Variants in INCENP observed in about 807,000 individuals in gnomAD.
INCENP encodes inner centromere protein, also known as binds and activates aurora-B and -C in vivo and in vitro.
A neutral mutation model predicts 107.3 loss-of-function variants in INCENP; 43 were observed. The ratio of observed to expected loss-of-function variants is 0.40; its 90% CI spans 0.31 to 0.52. The LOEUF (loss-of-function observed/expected upper bound fraction) is 0.52. Among genes scored for constraint, INCENP ranks in the 20% least tolerant of loss-of-function variants. The probability of loss-of-function intolerance (pLI) is 0.53; values close to 1 mark genes in which losing one functional copy is unlikely to be tolerated. For synonymous variants in INCENP, 488 were observed against 494.4 expected, an observed-to-expected ratio of 0.99 and a Z score of 0.17; for missense variants, 1,089 against 1,250.9, an observed-to-expected ratio of 0.87 and a Z score of 1.95.
At chr11:62,148,151 C>T (rs1236165879) in intron 15 of INCENP, among the ~76,000 whole-genome samples, 1 of 152,126 alleles carries the variant, frequency 6.6e-6, no homozygotes, top group Non-Finnish European at 1.5e-5. Flanking sequence ...TGGATTATCC[C>T]ATTTGATTCT....
At chr11:62,135,123 T>C (rs137926929) in intron 4 of INCENP, among the ~76,000 whole-genome samples, 104 of 152,274 alleles carry the variant, frequency 6.8e-4, no homozygotes, top group South Asian at 3.3e-3. Context: ...AGTATCTTCA[T>C]AGCTTTTTCA....
At chr11:62,129,055 G>A (rs1031868049) in intron 3 of INCENP, among the ~76,000 whole-genome samples, 172 bp downstream of exon 3, 1 of 152,186 alleles carries the variant, frequency 6.6e-6, no homozygotes, top group Non-Finnish European at 1.5e-5. Flanking sequence ...GGATGCCACA[G>A]GGAACTATAG....
At chr11:62,137,161 C>T (rs1255648182) in intron 4 of INCENP, among the ~76,000 whole-genome samples, 1 of 152,210 alleles carries the variant, frequency 6.6e-6, no homozygotes, top group African/African-American at 2.4e-5. Context: ...CGAGACCAGA[C>T]TGGCCAACAT....
chr11:62,152,064 C>T lies in INCENP; in HGVS notation c.*88C>T. 9.8e-7 allele frequency: 1 copy of T among 1,017,034 alleles called. No individual in the cohort carries two copies. The highest frequency in any genetic ancestry group is 1.4e-6 in the Non-Finnish European group (1 of 691,710). 63.0% of individuals were successfully genotyped at this position (1,017,034 alleles called of 1,614,324 possible). On this transcript the variant is annotated 3_prime_UTR_variant, in exon 19 of 19. Coordinates refer to ENST00000394818, the MANE Select transcript of INCENP (RefSeq NM_001040694.2). ...GTCTCTGTCTTGGTCTGTTGCCCTC[C>T]TTCTTGGCATGCCATTGTGGAGGGC...
At chr11:62,139,925 A>G (rs1944076267) in intron 7 of INCENP, among the ~76,000 whole-genome samples, 1 of 152,118 alleles carries the variant, frequency 6.6e-6, no homozygotes, top group Admixed American at 6.5e-5. Flanking sequence ...AGCTGGGGGT[A>G]GCCAGGCCCT....
chr11:62,149,947 C>A, intron 17 of INCENP, 110 bp from the exon 18 acceptor site: 2 of 1,091,228 alleles, frequency 1.8e-6, no homozygotes, highest in Non-Finnish European at 2.7e-6. Flanking sequence ...GATCCTGCAC[C>A]TTTTGTTTCT....
chr11:62,126,637 C>G lies in INCENP; in HGVS notation c.-11-1514C>G, dbSNP rs572110562. Among the ~76,000 whole-genome samples the G allele has an allele frequency of 5.3e-5, 8 of 152,270 alleles. No individual in the cohort carries two copies. In the South Asian group the frequency reaches 1.7e-3, roughly 32 times the overall value. Reference sequence around the variant, plus strand: ...CACCTGTTGGGATATTTAATGAGCCCCTGTTGTGATGTAGTAGAATATGGT... The same window carrying G: ...CACCTGTTGGGATATTTAATGAGCCGCTGTTGTGATGTAGTAGAATATGGT... On this transcript the variant is annotated intron_variant, in intron 1 of 18. Coordinates refer to ENST00000394818, the MANE Select transcript of INCENP (RefSeq NM_001040694.2).
chr11:62,146,621 G>T (rs962705275), intron 14 of INCENP, 37 bp from the exon 15 acceptor site: 11 of 1,548,512 alleles, frequency 7.1e-6, no homozygotes, highest in Non-Finnish European at 8.7e-7. Flanking sequence ...TCTGGCCTGG[G>T]CCTGGCCGCA....
At chr11:62,145,606 G>A in intron 13 of INCENP, 23 bp from the exon 14 acceptor site, 7 of 1,587,538 alleles carry the variant, frequency 4.4e-6, no homozygotes, top group Non-Finnish European at 6.0e-6. Flanking sequence ...GCTCCAATGG[G>A]CATGTGTGGG....
At position 62,150,200 on chromosome 11, in the gene INCENP, G is replaced by A. The variant is rs1260007257; in HGVS notation, c.2535G>A (p.Trp845Ter). Residue 845 changes from tryptophan (W) to a stop codon, truncating the protein, a stop_gained, in exon 18 of 19, where the codon TGG (tryptophan) becomes TGA (stop). Coordinates refer to ENST00000394818, the MANE Select transcript of INCENP (RefSeq NM_001040694.2). LOFTEE classifies it high-confidence loss of function. ...EAHPRKPIPTWARGTPLSQAI... is the reference protein window; with the variant it reads ...EAHPRKPIPT ...ATCCCCGGAAGCCCATCCCCACCTGGGCCCGAGGTAAGCAAAGCCCACAGC... is the reference window on the plus strand; with the variant it reads ...ATCCCCGGAAGCCCATCCCCACCTGAGCCCGAGGTAAGCAAAGCCCACAGC... 6.2e-7 allele frequency: 1 copy of A among 1,613,924 alleles called. No individual in the cohort carries two copies. The highest frequency in any genetic ancestry group is 1.7e-5 in the Admixed American group (1 of 60,016).
intron 11 of INCENP, among the ~76,000 whole-genome samples, chr11:62,144,345 A>AAAAAAG (rs1944190682): frequency 2.0e-5 from 3 of 152,126 alleles, no homozygotes; most frequent in African/African-American, 7.2e-5. Flanking sequence ...CAAAAAAAAA[A>AAAAAAG]AAAGAAAAAA....
intron 14 of INCENP, among the ~76,000 whole-genome samples, chr11:62,146,360 G>A (rs1271555052): frequency 1.3e-5 from 2 of 152,260 alleles, no homozygotes; most frequent in Non-Finnish European, 2.9e-5. Flanking sequence ...CCATTTTATA[G>A]ACGAGGAAAC....
intron 13 of INCENP, 123 bp from the exon 14 acceptor site, chr11:62,145,506 C>A: frequency 1.5e-6 from 2 of 1,372,552 alleles, no homozygotes; most frequent in South Asian, 2.9e-5. Context: ...TGTCCTCTCC[C>A]TGGGTGGTGG....
rs760914724 is a variant in INCENP at position 62,146,874 on chromosome 11, C to T, written c.2176C>T (p.Arg726Trp). 5.0e-6 allele frequency: 8 copies of T among 1,595,778 alleles called. No individual in the cohort carries two copies. The highest frequency in any genetic ancestry group is 1.7e-4 in the Middle Eastern group (1 of 5,888). The change falls in exon 15 of 19, where the codon CGG becomes TGG. Residue 726 changes from arginine to tryptophan, a missense_variant. Coordinates refer to ENST00000394818, the MANE Select transcript of INCENP (RefSeq NM_001040694.2). The part of the protein sequence containing the change: ...ERQLAEQERR[R>W]EQERLQAERE... ...ACAGCTGGCAGAGCAGGAGCGTCGG[C>T]GGGAGCAGGAGCGGCTCCAGGCCGA...
intron 7 of INCENP, 80 bp downstream of exon 7, chr11:62,139,085 G>A: frequency 1.0e-6 from 1 of 957,990 alleles, no homozygotes; most frequent in Non-Finnish European, 1.7e-6. Context: ...TTCTCTCTGG[G>A]GATAAGGAAG....
At chr11:62,149,164 C>T (rs1565103489) in intron 17 of INCENP, among the ~76,000 whole-genome samples, 1 of 149,986 alleles carries the variant, frequency 6.7e-6, no homozygotes, top group Non-Finnish European at 1.5e-5. Context: ...ACACAGATAT[C>T]CTCTCTCTCT....
At chr11:62,139,046 C>T in intron 7 of INCENP, 41 bp downstream of exon 7, 4 of 1,460,734 alleles carry the variant, frequency 2.7e-6, no homozygotes, top group Non-Finnish European at 3.8e-6. Context: ...CCCGGAGCCA[C>T]AGCGGGCCTT....
At chr11:62,131,927 G>A (rs995191854) in intron 4 of INCENP, among the ~76,000 whole-genome samples, 4 of 151,976 alleles carry the variant, frequency 2.6e-5, no homozygotes, top group African/African-American at 4.8e-5. Flanking sequence ...GATTACAAGC[G>A]CCCGCCATCA....
Position 62,141,509 on chromosome 11 carries a change from G to A in INCENP, c.1603G>A (p.Val535Ile), listed in dbSNP as rs762472113. 21 of 1,613,914 alleles carry A rather than the reference G, an allele frequency of 1.3e-5. No individual in the cohort carries two copies. Among genetic ancestry groups the A allele is most frequent in the South Asian group, 3.3e-5 (3 of 91,092 alleles). Reference protein sequence around the residue: ...PLRMDPKCSFVEKERQRLENL... With the variant: ...PLRMDPKCSFIEKERQRLENL... Reference sequence around the variant, plus strand: ...CTTGTCTCCTCCACAGTGCAGCTTCGTCGTAAGTAAAGCCTTTTCCTGTCG... The same window carrying A: ...CTTGTCTCCTCCACAGTGCAGCTTCATCGTAAGTAAAGCCTTTTCCTGTCG... Residue 535 changes from valine to isoleucine, a missense_variant and splice_region_variant, in exon 11 of 19, where the codon GTC becomes ATC. Physicochemically the swap from Val to Ile is conservative, Grantham distance 29. Coordinates refer to ENST00000394818, the MANE Select transcript of INCENP (RefSeq NM_001040694.2).
Sources: allele counts gnomAD v4.1 joint callset (sites outside exome capture counted in the v4.1 genomes callset), GRCh38; gene constraint gnomAD v4.1.1; transcripts MANE v1.5; gene names NCBI Gene and HGNC (gene_info 2026-07-23, HGNC 2026-07-21).